Variants in SCYL1 observed in about 807,000 individuals in gnomAD.
The protein encoded by SCYL1 is SCY1 like pseudokinase 1.
SCYL1 carries 85 observed loss-of-function variants against 94.8 expected under a neutral mutation model. The observed-to-expected ratio is 0.90, with a 90% CI of 0.75 to 1.07. The LOEUF is 1.07. Ranked by LOEUF, SCYL1 falls within the 50% of genes least tolerant of loss-of-function variation. The pLI, the probability that SCYL1 is intolerant of heterozygous loss-of-function variation, is 0.00. For missense variants in SCYL1, 968 were observed against 1,083.3 expected (o/e 0.89, Z 1.49); for synonymous variants, 459 against 435.5 (o/e 1.05, Z -0.67).
chr11:65,536,671 A>C lies in SCYL1; in HGVS notation c.1737A>C (p.Ser579=), dbSNP rs1475439276. ...WAGWAVTGVS[S]LTSKLIRSHP... is the part of the protein sequence containing the mutation. The stretch of plus-strand genomic sequence containing the variant: ...GCTGGGCCGTGACCGGGGTCTCCTC[A>C]CTCACCTCCAAGCTGATCCGTTCGC... The change falls in exon 13 of 18, where the codon TCA becomes TCC. Residue 579 remains serine (S), a synonymous_variant. Transcript: ENST00000270176. The C allele has an allele frequency of 6.2e-7, 1 of 1,613,890 alleles. No individual in the cohort carries two copies. The highest frequency in any genetic ancestry group is 1.1e-5 in the South Asian group (1 of 91,066).
chr11:65,525,681 C>T lies in SCYL1; in HGVS notation c.219C>T (p.His73=), dbSNP rs1590719563. 1.2e-6 allele frequency: 2 copies of T among 1,612,814 alleles called. No homozygotes were observed. The highest frequency in any genetic ancestry group is 1.1e-5 in the South Asian group (1 of 91,076). Residue 73 remains histidine, a synonymous_variant, in exon 2 of 18, where the codon CAC becomes CAT. Coordinates refer to ENST00000270176, the MANE Select transcript of SCYL1 (RefSeq NM_020680.4). ...TCAAGCGCTTCAAAACTCTACGGCA[C>T]CCCAACATCCTGGCTTACATCGATG... The part of the protein sequence containing the change: ...AAFKRFKTLR[H]PNILAYIDGL...
chr11:65,531,533 C>T (rs1855362430), intron 7 of SCYL1, 43 bp from the exon 8 acceptor site: 1 of 1,459,282 alleles, frequency 6.9e-7, no homozygotes, highest in Admixed American at 1.7e-5. Flanking sequence ...GCAAAGTCAG[C>T]CCATTCCTGT....
At chr11:65,533,013 C>T (rs1855465412) in intron 9 of SCYL1, 1 of 553,750 alleles carries the variant, frequency 1.8e-6, no homozygotes, top group Admixed American at 3.0e-5. Flanking sequence ...TGTTCCTGGC[C>T]CAAGCCCCAT....
In SCYL1 at chr11:65,535,920, C is replaced by T. The variant is rs1042935365; in HGVS notation, c.1387-33C>T. On this transcript the variant is annotated intron_variant, in intron 10 of 17. Transcript: ENST00000270176. ...GTTCTGGGTCCCAACATTGACCCTA[C>T]ACTCAGGAGCCCTCTTTCCTGCCCC... 2.6e-6 allele frequency: 4 copies of T among 1,536,616 alleles called. No homozygotes were observed. In the East Asian group the frequency reaches 6.8e-5, roughly 26 times the overall value.
At chr11:65,537,391 CT>C in intron 14 of SCYL1, among the ~76,000 whole-genome samples, 1 of 152,200 alleles carries the variant, frequency 6.6e-6, no homozygotes, top group Non-Finnish European at 1.5e-5. Flanking sequence ...CACCGTCCCC[CT>C]TTCCCCTCCT....
intron 6 of SCYL1, among the ~76,000 whole-genome samples, chr11:65,529,382 C>T (rs562152901): frequency 9.2e-5 from 14 of 152,202 alleles, no homozygotes; most frequent in Non-Finnish European, 1.5e-4. Context: ...AATAGGGTTT[C>T]GGGAGCCTCC....
At chr11:65,525,810 C>G in intron 2 of SCYL1, 96 bp downstream of exon 2, 1 of 1,580,586 alleles carries the variant, frequency 6.3e-7, no homozygotes, top group Non-Finnish European at 8.6e-7. Flanking sequence ...CTATGTGCCC[C>G]AGCACCCCCA....
chr11:65,528,051 G>A (rs779327568), intron 6 of SCYL1, among the ~76,000 whole-genome samples: 8 of 152,278 alleles, frequency 5.3e-5, no homozygotes, highest in Non-Finnish European at 1.2e-4. Flanking sequence ...AAGGTGAGGC[G>A]GACCTAGATC....
Position 65,535,992 on chromosome 11 carries a change from A to T in SCYL1, c.1426A>T (p.Thr476Ser). 6.2e-7 allele frequency: 1 copy of T among 1,611,816 alleles called. No homozygotes were observed. The highest frequency in any genetic ancestry group is 1.3e-5 in the African/African-American group (1 of 74,932). ...RVLTSAFSRATRDPFAPSRVA... is the reference protein window; with the variant it reads ...RVLTSAFSRASRDPFAPSRVA... ...CCTTACCTCTGCCTTCAGCCGAGCC[A>T]CTAGGGACCCGTTTGCACCGTCCCG... Residue 476 changes from threonine (T) to serine (S), a missense_variant, in exon 11 of 18, where the codon ACT becomes TCT. Coordinates refer to ENST00000270176, the MANE Select transcript of SCYL1 (RefSeq NM_020680.4).
Position 65,537,107 on chromosome 11 carries a change from C to T in SCYL1, c.1938C>T (p.Asp646=), listed in dbSNP as rs1044173509. Residue 646 remains aspartate, a synonymous_variant, in exon 14 of 18, where the codon GAC becomes GAT. Transcript: ENST00000270176. Reference sequence around the variant, plus strand: ...GCAGCACTGCTGACAGATGGGACGACGAAGACTGGGGCAGCCTGGAGGTGT... The same window carrying T: ...GCAGCACTGCTGACAGATGGGACGATGAAGACTGGGGCAGCCTGGAGGTGT... ...EDSSTADRWD[D]EDWGSLEQEA... 3.7e-6 allele frequency: 6 copies of T among 1,614,132 alleles called. No homozygotes were observed. Among genetic ancestry groups the T allele is most frequent in the South Asian group, 2.2e-5 (2 of 91,084 alleles).
rs376257766 is a variant in SCYL1, at chr11:65,526,951, C to A, written c.694-11C>A. 2 of 1,610,920 alleles carry A rather than the reference C, an allele frequency of 1.2e-6. No individual in the cohort carries two copies. Among genetic ancestry groups the A allele is most frequent in the Admixed American group, 3.3e-5 (2 of 59,932 alleles). ...GCTACCCCTGCCCTGACACTGACCC[C>A]TCCCCTACAGATCCCCAAAACGCTG... is the stretch of plus-strand genomic sequence containing the variant. On this transcript the variant is annotated splice_polypyrimidine_tract_variant and intron_variant, in intron 5 of 17. Transcript: ENST00000270176. This position sits in a 1 kb window ranked among gnomAD's most constrained non-coding sequence, Gnocchi z 4.1.
chr11:65,526,040 C>A lies in SCYL1; in HGVS notation c.372C>A (p.Ile124=). ...ELEISWGLHQ[I]VKALSFLVND... Reference sequence around the variant, plus strand: ...AGATCTCCTGGGGGCTACACCAGATCGTGGTGAGGTGGGGGGCAGTGGTGA... The same window carrying A: ...AGATCTCCTGGGGGCTACACCAGATAGTGGTGAGGTGGGGGGCAGTGGTGA... Residue 124 remains isoleucine (I), a synonymous_variant, in exon 3 of 18, where the codon ATC becomes ATA. Coordinates refer to ENST00000270176, the MANE Select transcript of SCYL1 (RefSeq NM_020680.4). This position sits in a 1 kb window ranked among gnomAD's most constrained non-coding sequence, Gnocchi z 4.1. 6.2e-7 allele frequency: 1 copy of A among 1,612,562 alleles called. No homozygotes were observed.
chr11:65,535,750 T>G, intron 10 of SCYL1: 1 of 609,958 alleles, frequency 1.6e-6, no homozygotes. Context: ...TCCCATGCCC[T>G]GAGGCAGTGT....
In SCYL1 at chr11:65,525,119, C is replaced by T; in HGVS notation, c.-35C>T. ...GCTCGGGCGGCCGGAGGACCCGGAG[C>T]TAAGGCGCCCGAACCCGCGGCGGCG... On this transcript the variant is annotated 5_prime_UTR_variant, in exon 1 of 18. Coordinates refer to ENST00000270176, the MANE Select transcript of SCYL1 (RefSeq NM_020680.4). 2 of 1,292,452 alleles carry T rather than the reference C, an allele frequency of 1.5e-6. No individual in the cohort carries two copies. Among genetic ancestry groups the T allele is most frequent in the Non-Finnish European group, 2.0e-6 (2 of 1,007,540 alleles). The allele number at this position is 1,292,452 out of a possible 1,614,324, so 80.1% of individuals were successfully genotyped here. A position where few individuals can be genotyped will look rare whatever the true frequency, so the allele number is the denominator to read the frequency against.
rs201581270 is a variant in SCYL1 at position 65,535,383 on chromosome 11, G to A, written c.1386+1G>A. 6 of 1,613,700 alleles carry A rather than the reference G, an allele frequency of 3.7e-6. No homozygotes were observed. Among genetic ancestry groups the A allele is most frequent in the East Asian group, 2.2e-5 (1 of 44,860 alleles). ...AATCGGCTCCTACCTCAGTGCTAGC[G>A]TGAGTGTCCTGCACAACTGCTGGAG... On this transcript the variant is annotated splice_donor_variant, in intron 10 of 17. Coordinates refer to ENST00000270176, the MANE Select transcript of SCYL1 (RefSeq NM_020680.4). LOFTEE classifies it high-confidence loss of function.
Position 65,536,054 on chromosome 11 carries a change from C to T in SCYL1, c.1488C>T (p.Asn496=), listed in dbSNP as rs767734317. 1.2e-6 allele frequency: 2 copies of T among 1,614,242 alleles called. No individual in the cohort carries two copies. The highest frequency in any genetic ancestry group is 1.7e-6 in the Non-Finnish European group (2 of 1,180,036). ...AGVLGFAATH[N]LYSMNDCAQK... ...TCCTGGGCTTTGCTGCCACCCACAA[C>T]CTCTACTCAATGAACGACTGTGCCC... Residue 496 remains asparagine, a synonymous_variant, in exon 11 of 18, where the codon AAC becomes AAT. Transcript: ENST00000270176.
intron 9 of SCYL1, among the ~76,000 whole-genome samples, chr11:65,533,807 G>A (rs1458706742): frequency 6.6e-6 from 1 of 151,652 alleles, no homozygotes; most frequent in Non-Finnish European, 1.5e-5. Context: ...TTTAGGCCGG[G>A]CCTGGTGGCC....
rs756664937 is a variant in SCYL1 at position 65,537,006 on chromosome 11, A to T, written c.1837A>T (p.Thr613Ser). 7.3e-5 allele frequency: 110 copies of T among 1,497,768 alleles called. No individual in the cohort carries two copies. The highest frequency in any genetic ancestry group is 9.9e-5 in the Non-Finnish European group (109 of 1,097,712). The allele number at this position is 1,497,768 out of a possible 1,614,324, so 92.8% of individuals were successfully genotyped here. A position where few individuals can be genotyped will look rare whatever the true frequency, so the allele number is the denominator to read the frequency against. Reference protein sequence around the residue: ...TPEGVPAPAPTPVPATPTTSG... With the variant: ...TPEGVPAPAPSPVPATPTTSG... Reference sequence around the variant, plus strand: ...CCCAGGAGTTCCTGCCCCAGCCCCCACCCCTGTTCCTGCCACCCCTACAAC... The same window carrying T: ...CCCAGGAGTTCCTGCCCCAGCCCCCTCCCCTGTTCCTGCCACCCCTACAAC... The change falls in exon 14 of 18, where the codon ACC (threonine) becomes TCC (serine). Residue 613 changes from threonine to serine, a missense_variant. Transcript: ENST00000270176.
At chr11:65,531,532 GC>G (rs1221640541) in intron 7 of SCYL1, 43 bp from the exon 8 acceptor site, 1 of 1,453,842 alleles carries the variant, frequency 6.9e-7, no homozygotes. Context: ...AGCAAAGTCA[GC>G]CCATTCCTGT....
Sources: allele counts gnomAD v4.1 joint callset (sites outside exome capture counted in the v4.1 genomes callset), GRCh38; gene constraint gnomAD v4.1.1; non-coding constraint Gnocchi (gnomAD v3.1); transcripts MANE v1.5; gene names NCBI Gene and HGNC (gene_info 2026-07-23, HGNC 2026-07-21).